Variants in ZEB1 observed in about 807,000 individuals in gnomAD.
ZEB1 encodes the protein zinc finger E-box-binding homeobox 1.
A neutral mutation model predicts 84.9 loss-of-function variants in ZEB1; 21 were observed. The observed-to-expected ratio is 0.25, with a 90% CI of 0.18 to 0.36. The LOEUF (loss-of-function observed/expected upper bound fraction) is 0.36, where lower values mean the gene tolerates loss of function less well. ZEB1 is among the 10% of genes least tolerant of loss of function. The pLI, the probability that ZEB1 is intolerant of heterozygous loss-of-function variation, is 1.00. For missense variants in ZEB1, 1,104 were observed against 1,330.2 expected, an observed-to-expected ratio of 0.83 and a Z score of 2.65; for synonymous variants, 420 against 471.1, an observed-to-expected ratio of 0.89 and a Z score of 1.41.
At chr10:31,387,932 A>G (rs2048924850) in intron 1 of ZEB1, 1 of 200,422 alleles carries the variant, frequency 5.0e-6, no homozygotes, top group Non-Finnish European at 8.9e-6. Flanking sequence ...TGAAGAATAA[A>G]TATGTTGGTT....
At chr10:31,436,165 A>G (rs954699053) in intron 1 of ZEB1, among the ~76,000 whole-genome samples, 1 of 152,234 alleles carries the variant, frequency 6.6e-6, no homozygotes, top group African/African-American at 2.4e-5. Context: ...AATTTATGGC[A>G]TATGCAATGG....
intron 1 of ZEB1, among the ~76,000 whole-genome samples, chr10:31,335,515 C>T (rs370152426): frequency 6.6e-6 from 1 of 152,060 alleles, no homozygotes; most frequent in Admixed American, 6.6e-5. Flanking sequence ...TAGAATTTAC[C>T]ACATCATCTG....
chr10:31,500,387 TAGGG>T (rs1221144287), intron 3 of ZEB1, among the ~76,000 whole-genome samples: 1 of 152,122 alleles, frequency 6.6e-6, no homozygotes, highest in African/African-American at 2.4e-5. Flanking sequence ...TTTTAAATAA[TAGGG>T]AGGTCATTAA....
intron 1 of ZEB1, among the ~76,000 whole-genome samples, chr10:31,401,360 A>G (rs1474706167): frequency 1.3e-5 from 2 of 152,206 alleles, no homozygotes; most frequent in Non-Finnish European, 2.9e-5. Context: ...GGAAGTAGGT[A>G]TGGAATTGTG....
intron 2 of ZEB1, among the ~76,000 whole-genome samples, chr10:31,467,519 T>G (rs2062593717): frequency 6.6e-6 from 1 of 152,190 alleles, no homozygotes; most frequent in Non-Finnish European, 1.5e-5. Flanking sequence ...TGGCCATTGC[T>G]GTGGAGTGGG....
chr10:31,481,045 A>G (rs1245347083), intron 2 of ZEB1, among the ~76,000 whole-genome samples: 1 of 152,014 alleles, frequency 6.6e-6, no homozygotes, highest in South Asian at 2.1e-4. Flanking sequence ...CCCTGTTTCC[A>G]TTCTCCTTCC....
At chr10:31,468,637 G>C (rs992312695) in intron 2 of ZEB1, among the ~76,000 whole-genome samples, 1 of 152,086 alleles carries the variant, frequency 6.6e-6, no homozygotes, top group East Asian at 1.9e-4. Context: ...ATTAACATTT[G>C]AGAAAACAAC....
At chr10:31,365,969 T>C (rs2044395918) in intron 1 of ZEB1, among the ~76,000 whole-genome samples, 1 of 152,234 alleles carries the variant, frequency 6.6e-6, no homozygotes, top group African/African-American at 2.4e-5. Flanking sequence ...TCTTTCTTCC[T>C]CAGTAACACG....
intron 1 of ZEB1, among the ~76,000 whole-genome samples, chr10:31,408,191 T>C (rs1428103372): frequency 2.4e-4 from 36 of 150,868 alleles, no homozygotes; most frequent in South Asian, 1.5e-3. Flanking sequence ...TTACAAGGGA[T>C]GTGAAGGACC....
intron 6 of ZEB1, among the ~76,000 whole-genome samples, 161 bp downstream of exon 6, chr10:31,514,869 A>G (rs1368999040): frequency 1.3e-5 from 2 of 152,066 alleles, no homozygotes; most frequent in African/African-American, 4.8e-5. Flanking sequence ...GTTTTATTAG[A>G]GTCTTAACCT....
rs9796289 is a variant in ZEB1 at position 31,470,490 on chromosome 10, A to T, written c.259+9253A>T. Among the ~76,000 whole-genome samples the T allele has an allele frequency of 0.015, 2,191 of 150,894 alleles. 104 individuals are homozygous for T. The East Asian group carries it at 0.21, about 14-fold the overall frequency. ...GATGGAAGATGAAATGAATGAAATGAAGCGAGAAGGAAAGTTTAGAGAAAA... is the reference window on the plus strand; with the variant it reads ...GATGGAAGATGAAATGAATGAAATGTAGCGAGAAGGAAAGTTTAGAGAAAA... On this transcript the variant is annotated intron_variant, in intron 2 of 8. Transcript: ENST00000424869.
At chr10:31,507,248 G>A (rs531867573) in intron 4 of ZEB1, among the ~76,000 whole-genome samples, 64 of 152,122 alleles carry the variant, frequency 4.2e-4, no homozygotes, top group Non-Finnish European at 6.2e-4. Flanking sequence ...CACTTTTCTC[G>A]TGTTGTTTTT....
At chr10:31,514,543 A>G (rs2070727003) in intron 5 of ZEB1, 60 bp from the exon 6 acceptor site, 2 of 1,454,612 alleles carry the variant, frequency 1.4e-6, no homozygotes, top group African/African-American at 2.8e-5. Context: ...AGTAGATTGG[A>G]TGTTCTTTAG....
chr10:31,328,479 C>T (rs1418854175), intron 1 of ZEB1, among the ~76,000 whole-genome samples: 1 of 152,108 alleles, frequency 6.6e-6, no homozygotes, highest in East Asian at 1.9e-4. Context: ...TATCTTGGAT[C>T]AGCTGACAAT....
intron 4 of ZEB1, among the ~76,000 whole-genome samples, chr10:31,509,838 T>G (rs1189439933): frequency 5.9e-5 from 9 of 152,220 alleles, no homozygotes; most frequent in Non-Finnish European, 1.0e-4. Flanking sequence ...TAAATAATAT[T>G]AATTGGCAAA....
intron 7 of ZEB1, among the ~76,000 whole-genome samples, chr10:31,523,107 G>A (rs546916055): frequency 6.6e-6 from 1 of 152,304 alleles, no homozygotes; most frequent in African/African-American, 2.4e-5. Context: ...AGAGCCATAA[G>A]AAATGTTGTG....
chr10:31,457,140 T>C (rs1352737242), intron 1 of ZEB1, among the ~76,000 whole-genome samples: 1 of 152,184 alleles, frequency 6.6e-6, no homozygotes, highest in Admixed American at 6.6e-5. Flanking sequence ...TGATCACCTA[T>C]GATTGTTATT....
chr10:31,426,629 C>T (rs2056959734), intron 1 of ZEB1, among the ~76,000 whole-genome samples: 1 of 152,110 alleles, frequency 6.6e-6, no homozygotes, highest in Non-Finnish European at 1.5e-5. Flanking sequence ...CTAATCCCAC[C>T]CATATCCTGT....
intron 4 of ZEB1, among the ~76,000 whole-genome samples, chr10:31,504,533 A>T (rs1321261733): frequency 1.3e-5 from 2 of 152,114 alleles, no homozygotes; most frequent in Non-Finnish European, 2.9e-5. Context: ...GAATCTGTAG[A>T]TCGCTCTGGG....
Sources: allele counts gnomAD v4.1 joint callset (sites outside exome capture counted in the v4.1 genomes callset), GRCh38; gene constraint gnomAD v4.1.1; transcripts MANE v1.5; gene names NCBI Gene and HGNC (gene_info 2026-07-23, HGNC 2026-07-21).